Variants in FTCDNL1 observed in about 807,000 individuals in gnomAD.
FTCDNL1 encodes formiminotransferase N-terminal subdomain-containing protein.
FTCDNL1 carries 11 observed loss-of-function variants against 5.9 expected under a neutral mutation model. That is an observed-to-expected ratio of 1.87 (90% CI 1.18 to 3.10). FTCDNL1 has a LOEUF of 3.10. FTCDNL1 is among the 30% of genes most tolerant of loss of function. The pLI is 0.00. For missense variants in FTCDNL1, 115 were observed against 65.5 expected (o/e 1.76, Z -2.61); for synonymous variants, 58 against 24.8 (o/e 2.34, Z -3.99).
intron 3 of FTCDNL1, among the ~76,000 whole-genome samples, chr2:199,837,756 A>G (rs1442240753): frequency 6.6e-6 from 1 of 152,200 alleles, no homozygotes; most frequent in African/African-American, 2.4e-5. Context: ...ATAAGTATCA[A>G]TCATGCCAGC....
intron 3 of FTCDNL1, among the ~76,000 whole-genome samples, chr2:199,835,017 A>AAG (rs1218193470): frequency 1.3e-5 from 2 of 152,142 alleles, no homozygotes; most frequent in East Asian, 3.9e-4. Flanking sequence ...CTACAAAAAA[A>AAG]AAATTTAAAG....
intron 3 of FTCDNL1, among the ~76,000 whole-genome samples, chr2:199,769,317 T>C (rs533853217): frequency 3.1e-4 from 47 of 152,280 alleles, no homozygotes; most frequent in African/African-American, 9.9e-4. Context: ...GCGGAGATAA[T>C]TGAATCACGG....
the FTCDNL1 span, among the ~76,000 whole-genome samples, chr2:199,708,602 T>C: frequency 6.6e-6 from 1 of 152,160 alleles, no homozygotes; most frequent in African/African-American, 2.4e-5. Flanking sequence ...CTTTGTTATG[T>C]AGGCCTATAG....
At chr2:199,825,429 T>C (rs1203411636) in intron 3 of FTCDNL1, among the ~76,000 whole-genome samples, 2 of 152,088 alleles carry the variant, frequency 1.3e-5, no homozygotes, top group Non-Finnish European at 2.9e-5. Context: ...AATTGCAAGA[T>C]AATGTTTAGG....
chr2:199,806,004 T>C (rs1314813533), downstream of FTCDNL1, among the ~76,000 whole-genome samples: 1 of 151,992 alleles, frequency 6.6e-6, no homozygotes, highest in Non-Finnish European at 1.5e-5. Context: ...AGAAAGAAAT[T>C]AGTCCCATGT....
At chr2:199,676,214 T>C in the FTCDNL1 span, among the ~76,000 whole-genome samples, 8 of 152,290 alleles carry the variant, frequency 5.3e-5, no homozygotes, top group African/African-American at 1.9e-4. Context: ...AGAACAGATA[T>C]TGAGAGACAA....
the FTCDNL1 span, among the ~76,000 whole-genome samples, chr2:199,679,605 G>A: frequency 0.051 from 7,691 of 151,720 alleles, 291 homozygotes; most frequent in Middle Eastern, 0.11. Context: ...TATCTCCCAT[G>A]GTGATTTGGA....
chr2:199,819,680 G>A lies in FTCDNL1; in HGVS notation c.289C>T (p.Arg97Cys), dbSNP rs762615173. The change falls in exon 4 of 5, where the codon CGC becomes TGC. Residue 97 changes from arginine to cysteine, a missense_variant. Arg to Cys is a radical substitution (Grantham distance 180). Coordinates refer to ENST00000420128, the MANE Select transcript of FTCDNL1 (RefSeq NM_001363886.2). ...LFGEADLPEKRSLVQRRKQLG... is the reference protein window; with the variant it reads ...LFGEADLPEKCSLVQRRKQLG... ...TGCTTCCTTCTCTGCACAAGACTGCGCTTCTCAGGCAGGTCAGCTTCGCCA... is the reference window on the plus strand; with the variant it reads ...TGCTTCCTTCTCTGCACAAGACTGCACTTCTCAGGCAGGTCAGCTTCGCCA... 13 of 702,134 alleles carry A rather than the reference G, an allele frequency of 1.9e-5. No individual in the cohort carries two copies. The highest frequency in any genetic ancestry group is 1.3e-4 in the East Asian group (5 of 37,294). The allele number at this position is 702,134 out of a possible 1,614,324, so 43.5% of individuals were successfully genotyped here.
the FTCDNL1 span, among the ~76,000 whole-genome samples, chr2:199,717,977 C>A: frequency 9.5e-4 from 77 of 80,642 alleles, no homozygotes; most frequent in East Asian, 2.6e-3. Flanking sequence ...TTAAAAAAAA[C>A]CAAAAAAACA....
the FTCDNL1 span, among the ~76,000 whole-genome samples, chr2:199,727,350 G>A: frequency 6.6e-6 from 1 of 152,214 alleles, no homozygotes; most frequent in African/African-American, 2.4e-5. Context: ...GCATATGTGA[G>A]AGGCCACCAA....
At chr2:199,781,118 C>A (rs1699341024) in intron 3 of FTCDNL1, among the ~76,000 whole-genome samples, 1 of 152,232 alleles carries the variant, frequency 6.6e-6, no homozygotes, top group Non-Finnish European at 1.5e-5. Flanking sequence ...TACTTCATGT[C>A]CGCTCCCACA....
the FTCDNL1 span, among the ~76,000 whole-genome samples, chr2:199,665,462 T>A: frequency 7.9e-5 from 12 of 151,726 alleles, no homozygotes; most frequent in South Asian, 2.5e-3. Flanking sequence ...TGAAACCCCG[T>A]CTCTACTAAA....
chr2:199,738,278 T>C, the FTCDNL1 span, among the ~76,000 whole-genome samples: 1 of 152,184 alleles, frequency 6.6e-6, no homozygotes, highest in Non-Finnish European at 1.5e-5. Context: ...CAGCATGAGA[T>C]AAAAACTACT....
At chr2:199,831,213 C>T (rs1435253404) in intron 3 of FTCDNL1, among the ~76,000 whole-genome samples, 1 of 152,124 alleles carries the variant, frequency 6.6e-6, no homozygotes, top group Non-Finnish European at 1.5e-5. Flanking sequence ...AAAGAAAAAA[C>T]TTATTTATTA....
the FTCDNL1 span, among the ~76,000 whole-genome samples, chr2:199,677,004 A>C: frequency 6.6e-6 from 1 of 152,120 alleles, no homozygotes; most frequent in Non-Finnish European, 1.5e-5. Flanking sequence ...TTTTACTACT[A>C]TTGGGTTACG....
At chr2:199,775,757 G>A (rs1277472907) in intron 3 of FTCDNL1, among the ~76,000 whole-genome samples, 1 of 152,158 alleles carries the variant, frequency 6.6e-6, no homozygotes, top group Non-Finnish European at 1.5e-5. Context: ...AATGAAATGA[G>A]TACCTCTTGA....
the FTCDNL1 span, among the ~76,000 whole-genome samples, chr2:199,734,591 G>A: frequency 6.6e-6 from 1 of 152,012 alleles, no homozygotes; most frequent in Non-Finnish European, 1.5e-5. Flanking sequence ...TAAATCAAAT[G>A]TTTAAATTAT....
At chr2:199,739,202 C>A in the FTCDNL1 span, among the ~76,000 whole-genome samples, 2 of 152,108 alleles carry the variant, frequency 1.3e-5, no homozygotes, top group African/African-American at 4.8e-5. Context: ...TTTTAATCAC[C>A]CGACTTCACT....
chr2:199,805,485 T>C (rs895439007), downstream of FTCDNL1, among the ~76,000 whole-genome samples: 1 of 152,074 alleles, frequency 6.6e-6, no homozygotes, highest in Non-Finnish European at 1.5e-5. Flanking sequence ...ATACCTGTAA[T>C]CCCAGTACTT....
Sources: allele counts gnomAD v4.1 joint callset (sites outside exome capture counted in the v4.1 genomes callset), GRCh38; gene constraint gnomAD v4.1.1; transcripts MANE v1.5; gene names NCBI Gene and HGNC (gene_info 2026-07-23, HGNC 2026-07-21).